Variants in PTPN4 observed in about 807,000 individuals in gnomAD.
PTPN4 encodes tyrosine-protein phosphatase non-receptor type 4.
Under a neutral mutation model 135.5 loss-of-function variants are expected in PTPN4, and 49 were observed. The observed-to-expected ratio is 0.36, with a 90% CI of 0.29 to 0.46. PTPN4 has a LOEUF of 0.46. Among genes scored for constraint, PTPN4 ranks in the 20% least tolerant of loss-of-function variants. The pLI is 1.00. For synonymous variants in PTPN4, 333 were observed against 369.9 expected, an observed-to-expected ratio of 0.90 and a Z score of 1.14; for missense variants, 860 against 1,101.0, an observed-to-expected ratio of 0.78 and a Z score of 3.10.
intron 2 of PTPN4, among the ~76,000 whole-genome samples, chr2:119,846,207 C>T (rs1487929034): frequency 3.9e-5 from 6 of 152,090 alleles, no homozygotes; most frequent in South Asian, 2.1e-4. Context: ...AGTCAGGTCT[C>T]GTTAGTTTAT....
intron 2 of PTPN4, 148 bp downstream of exon 2, chr2:119,810,139 G>A: frequency 2.2e-6 from 2 of 902,038 alleles, no homozygotes; most frequent in Non-Finnish European, 3.2e-6. Flanking sequence ...TGTATTAGAT[G>A]CATGCTCTCA....
chr2:119,936,253 C>T (rs1444739070), intron 15 of PTPN4, among the ~76,000 whole-genome samples: 1 of 152,178 alleles, frequency 6.6e-6, no homozygotes, highest in Non-Finnish European at 1.5e-5. Context: ...TCGCCCACCT[C>T]GGCCTCCCAA....
intron 2 of PTPN4, among the ~76,000 whole-genome samples, chr2:119,855,486 T>C (rs192926369): frequency 6.6e-6 from 1 of 152,214 alleles, no homozygotes; most frequent in Non-Finnish European, 1.5e-5. Flanking sequence ...ATTTTTCTCA[T>C]ATCTTAGAAG....
At chr2:119,957,377 T>A (rs1041720296) in intron 22 of PTPN4, among the ~76,000 whole-genome samples, 1 of 152,166 alleles carries the variant, frequency 6.6e-6, no homozygotes, top group Non-Finnish European at 1.5e-5. Context: ...TTGGGTCAAC[T>A]GTCTAGAACA....
chr2:119,858,825 A>G (rs1219360932), intron 2 of PTPN4, among the ~76,000 whole-genome samples: 1 of 151,836 alleles, frequency 6.6e-6, no homozygotes, highest in Non-Finnish European at 1.5e-5. Context: ...TAGTAGAGAC[A>G]AGGTTTCACC....
At chr2:119,945,889 G>A (rs1679125756) in intron 16 of PTPN4, among the ~76,000 whole-genome samples, 1 of 152,018 alleles carries the variant, frequency 6.6e-6, no homozygotes, top group Non-Finnish European at 1.5e-5. Flanking sequence ...TAAAAATTAT[G>A]GAAATATACA....
At position 119,792,575 on chromosome 2, in the gene PTPN4, C is replaced by G. The variant is rs1359197633; in HGVS notation, c.-17-17262C>G. 2.0e-5 allele frequency among the ~76,000 whole-genome samples: 3 copies of G among 152,154 alleles called. No homozygotes were observed. The East Asian group carries it at 5.8e-4, about 29-fold the overall frequency. On this transcript the variant is annotated intron_variant, in intron 1 of 26. Coordinates refer to ENST00000263708, the MANE Select transcript of PTPN4 (RefSeq NM_002830.4). ...ATTTACCATCACTGAAAGAAATAAG[C>G]TACATTTTATTAACATAATGAAGAA...
chr2:119,948,279 G>T (rs1679164656), intron 18 of PTPN4, among the ~76,000 whole-genome samples: 1 of 152,118 alleles, frequency 6.6e-6, no homozygotes, highest in African/African-American at 2.4e-5. Flanking sequence ...TGTTAGAGAT[G>T]CAGAGGTAAA....
chr2:119,917,250 T>C (rs1413894116), intron 11 of PTPN4, among the ~76,000 whole-genome samples: 1 of 152,206 alleles, frequency 6.6e-6, no homozygotes, highest in Non-Finnish European at 1.5e-5. Context: ...CAGTTAAAAA[T>C]GTATTTACCA....
intron 2 of PTPN4, among the ~76,000 whole-genome samples, chr2:119,831,372 TTGG>T (rs1677217530): frequency 6.6e-6 from 1 of 152,228 alleles, no homozygotes; most frequent in Non-Finnish European, 1.5e-5. Context: ...TTGAGTGGTC[TTGG>T]TATTCTTGTT....
intron 3 of PTPN4, among the ~76,000 whole-genome samples, chr2:119,865,633 A>T (rs1467786905): frequency 6.6e-6 from 1 of 152,052 alleles, no homozygotes; most frequent in East Asian, 1.9e-4. Context: ...ATATAATAAA[A>T]TTACTATCAG....
intron 2 of PTPN4, among the ~76,000 whole-genome samples, chr2:119,814,018 AT>A (rs900151337): frequency 7.2e-5 from 11 of 152,142 alleles, no homozygotes; most frequent in Admixed American, 2.6e-4. Flanking sequence ...TTAAAAAAAA[AT>A]GTATATGTGT....
intron 15 of PTPN4, among the ~76,000 whole-genome samples, chr2:119,943,625 G>A (rs1368664421): frequency 1.6e-4 from 18 of 116,116 alleles, no homozygotes; most frequent in Admixed American, 1.3e-4. Flanking sequence ...TTGCTCTGTC[G>A]CCCAAGTTGG....
intron 2 of PTPN4, among the ~76,000 whole-genome samples, chr2:119,814,167 T>C (rs1396735879): frequency 1.3e-5 from 2 of 152,210 alleles, no homozygotes; most frequent in Non-Finnish European, 2.9e-5. Flanking sequence ...GTCTTGAGTT[T>C]GTAGAGCCTC....
At chr2:119,832,934 A>G (rs1677240106) in intron 2 of PTPN4, among the ~76,000 whole-genome samples, 1 of 152,110 alleles carries the variant, frequency 6.6e-6, no homozygotes, top group Non-Finnish European at 1.5e-5. Flanking sequence ...ACTGGAGATT[A>G]TTTGCTCTTT....
chr2:119,807,806 C>T (rs1691501461), intron 1 of PTPN4, among the ~76,000 whole-genome samples: 1 of 152,168 alleles, frequency 6.6e-6, no homozygotes, highest in African/African-American at 2.4e-5. Context: ...CCCTGATGAA[C>T]ATCGATGCAA....
At chr2:119,915,057 T>C in intron 10 of PTPN4, 122 bp from the exon 11 acceptor site, 1 of 769,284 alleles carries the variant, frequency 1.3e-6, no homozygotes, top group South Asian at 2.8e-5. Context: ...ATGTACTATG[T>C]GTATGTATAT....
chr2:119,940,488 CTT>C (rs1432857674), intron 15 of PTPN4, among the ~76,000 whole-genome samples: 1 of 152,112 alleles, frequency 6.6e-6, no homozygotes, highest in East Asian at 1.9e-4. Flanking sequence ...GACAGGGTCT[CTT>C]TGTCTCCCAG....
chr2:119,809,423 G>A (rs1388713057), intron 1 of PTPN4, among the ~76,000 whole-genome samples: 2 of 151,196 alleles, frequency 1.3e-5, no homozygotes, highest in African/African-American at 4.9e-5. Flanking sequence ...AAAAAGGGAA[G>A]GGCCTGCCAA....
Sources: gnomAD v4.1 joint callset for allele counts (sites outside exome capture counted in the v4.1 genomes callset) on GRCh38, gnomAD v4.1.1 for gene constraint, MANE v1.5 for transcripts, NCBI Gene and HGNC (gene_info 2026-07-23, HGNC 2026-07-21) for gene names.